DYNC2H1: variants seen among roughly 807,000 people sequenced by gnomAD.
DYNC2H1 encodes dynein cytoplasmic 2 heavy chain 1, also known as cytoplasmic dynein 2 heavy chain 1.
In DYNC2H1, 410 loss-of-function variants were observed where a neutral mutation model predicts 570.0. The observed-to-expected ratio is 0.72, with a 90% CI of 0.66 to 0.78. The LOEUF is 0.78. DYNC2H1 is among the 30% of genes least tolerant of loss of function. DYNC2H1 has a pLI of 0.00. For synonymous variants in DYNC2H1, 1,688 were observed against 1,677.6 expected, an observed-to-expected ratio of 1.01 and a Z score of -0.15; for missense variants, 4,865 against 5,046.4, an observed-to-expected ratio of 0.96 and a Z score of 1.09.
At chr11:103,110,510 T>C (rs1324521705) in intron 1 of DYNC2H1, among the ~76,000 whole-genome samples, 1 of 152,104 alleles carries the variant, frequency 6.6e-6, no homozygotes, top group African/African-American at 2.4e-5. Flanking sequence ...TAAATTTTTG[T>C]GAAATGATAT....
chr11:103,239,820 G>T lies in DYNC2H1; in HGVS notation c.9819+3281G>T, dbSNP rs1864360639. Among the ~76,000 whole-genome samples the T allele has an allele frequency of 6.6e-6, 1 of 152,004 alleles. No individual in the cohort carries two copies. The highest frequency in any genetic ancestry group is 2.4e-5 in the African/African-American group (1 of 41,380). ...AGACATAACATTATAGGGTGTACTAGGTGTTTTAAAAATTATCTCTTTCAA... is the reference window on the plus strand; with the variant it reads ...AGACATAACATTATAGGGTGTACTATGTGTTTTAAAAATTATCTCTTTCAA... On this transcript the variant is annotated intron_variant, in intron 63 of 88. Coordinates refer to ENST00000375735, the MANE Select transcript of DYNC2H1 (RefSeq NM_001377.3). This position sits in a 1 kb window ranked among gnomAD's most constrained non-coding sequence, Gnocchi z 4.3.
intron 88 of DYNC2H1, chr11:103,474,003 T>C (rs1167477462): frequency 6.2e-6 from 1 of 161,466 alleles, no homozygotes. Flanking sequence ...AGAAGATATG[T>C]GTTGAAAGTT....
chr11:103,388,380 T>G (rs920473562), intron 83 of DYNC2H1, among the ~76,000 whole-genome samples: 8 of 152,232 alleles, frequency 5.3e-5, no homozygotes, highest in Non-Finnish European at 1.0e-4. Flanking sequence ...CTGAAGTTGC[T>G]TATCAGCTTA....
At chr11:103,332,209 T>C (rs1938844361) in intron 82 of DYNC2H1, among the ~76,000 whole-genome samples, 1 of 151,462 alleles carries the variant, frequency 6.6e-6, no homozygotes, top group Admixed American at 6.6e-5. Context: ...AAGACTGTCT[T>C]CAACAAGTTT....
chr11:103,166,085 G>T (rs1861293234), intron 31 of DYNC2H1, 37 bp downstream of exon 31: 3 of 1,457,254 alleles, frequency 2.1e-6, no homozygotes, highest in Admixed American at 2.5e-5. Flanking sequence ...CCTGGTTTTG[G>T]GTTATTTTTT....
chr11:103,197,126 T>A (rs1266641804), intron 47 of DYNC2H1, among the ~76,000 whole-genome samples: 3 of 151,296 alleles, frequency 2.0e-5, no homozygotes, highest in Non-Finnish European at 4.4e-5. Flanking sequence ...AATTGAAATT[T>A]GGTCAGTTTT....
chr11:103,462,908 G>A (rs754412808), intron 87 of DYNC2H1, among the ~76,000 whole-genome samples: 9 of 152,168 alleles, frequency 5.9e-5, no homozygotes, highest in Admixed American at 2.0e-4. Flanking sequence ...GAAGTGTAGC[G>A]TCATACACAA....
chr11:103,364,373 TTAGAA>T (rs1006597935), intron 83 of DYNC2H1, among the ~76,000 whole-genome samples: 48 of 152,220 alleles, frequency 3.2e-4, no homozygotes, highest in African/African-American at 1.1e-3. Flanking sequence ...ACTGAGTTTG[TTAGAA>T]TAGTTTCGTA....
intron 87 of DYNC2H1, among the ~76,000 whole-genome samples, chr11:103,462,532 C>CTAAT (rs1945052652): frequency 6.6e-6 from 1 of 152,106 alleles, no homozygotes; most frequent in African/African-American, 2.4e-5. Flanking sequence ...ACTGATTTTT[C>CTAAT]TAATTTTGTT....
intron 50 of DYNC2H1, among the ~76,000 whole-genome samples, chr11:103,202,456 T>C (rs984055256): frequency 6.6e-6 from 1 of 152,162 alleles, no homozygotes; most frequent in African/African-American, 2.4e-5. Flanking sequence ...AGGCTTGGTT[T>C]CTTTTTTCTA....
At chr11:103,424,712 A>AAAT (rs1325424369) in intron 84 of DYNC2H1, among the ~76,000 whole-genome samples, 3 of 151,818 alleles carry the variant, frequency 2.0e-5, no homozygotes, top group Admixed American at 2.0e-4. Flanking sequence ...CTCCAAAAAA[A>AAAT]AAAAAAAAGA....
chr11:103,371,512 A>C (rs1941145081), intron 83 of DYNC2H1, among the ~76,000 whole-genome samples: 1 of 152,200 alleles, frequency 6.6e-6, no homozygotes, highest in Non-Finnish European at 1.5e-5. Flanking sequence ...CTTACTAATC[A>C]GACTCCCAAA....
chr11:103,243,900 T>C lies in DYNC2H1; in HGVS notation c.9918+109T>C. ...AGATTCAACACTGGGTCCTACTGTA[T>C]GGGACCTTGGGCGAGAGATATAACT... On this transcript the variant is annotated intron_variant, in intron 64 of 88. Transcript: ENST00000375735. The surrounding 1 kb of genome is among the most constrained non-coding windows in gnomAD (Gnocchi z 4.8). The C allele has an allele frequency of 1.4e-6, 1 of 690,786 alleles. No individual in the cohort carries two copies. Among genetic ancestry groups the C allele is most frequent in the Non-Finnish European group, 2.3e-6 (1 of 441,294 alleles). 42.8% of individuals were successfully genotyped at this position (690,786 alleles called of 1,614,324 possible).
chr11:103,238,356 G>A (rs1864301011), intron 63 of DYNC2H1, among the ~76,000 whole-genome samples: 3 of 152,096 alleles, frequency 2.0e-5, no homozygotes, highest in South Asian at 4.1e-4. Context: ...ATCACTTGAG[G>A]TCAGAAGTTT....
chr11:103,470,684 C>G (rs540014154), intron 88 of DYNC2H1, among the ~76,000 whole-genome samples: 1 of 152,084 alleles, frequency 6.6e-6, no homozygotes, highest in Non-Finnish European at 1.5e-5. Context: ...TATGTCCTTG[C>G]GATAGTTTGC....
chr11:103,351,712 T>A (rs929410696), intron 82 of DYNC2H1, among the ~76,000 whole-genome samples: 1 of 152,200 alleles, frequency 6.6e-6, no homozygotes, highest in Non-Finnish European at 1.5e-5. Flanking sequence ...TGAATCTGTG[T>A]TCAGGAGTAA....
chr11:103,343,896 A>G (rs1768387723), intron 82 of DYNC2H1, among the ~76,000 whole-genome samples: 1 of 152,218 alleles, frequency 6.6e-6, no homozygotes. Flanking sequence ...GAGAAGTGTC[A>G]TATTATTGCA....
At chr11:103,221,835 G>A (rs1863600114) in intron 57 of DYNC2H1, among the ~76,000 whole-genome samples, 195 bp from the exon 58 acceptor site, 1 of 152,122 alleles carries the variant, frequency 6.6e-6, no homozygotes, top group Non-Finnish European at 1.5e-5. Flanking sequence ...CTGCCTGGGT[G>A]ACAGAGCGAG....
chr11:103,219,192 A>G (rs1432131887), intron 55 of DYNC2H1, among the ~76,000 whole-genome samples: 2 of 152,176 alleles, frequency 1.3e-5, no homozygotes, highest in African/African-American at 4.8e-5. Flanking sequence ...CTGGGAGCCT[A>G]ATTAACATAG....
Sources: allele counts gnomAD v4.1 joint callset (sites outside exome capture counted in the v4.1 genomes callset), GRCh38; gene constraint gnomAD v4.1.1; non-coding constraint Gnocchi (gnomAD v3.1); transcripts MANE v1.5; gene names NCBI Gene and HGNC (gene_info 2026-07-23, HGNC 2026-07-21).